The following IMPG2 variants were observed in gnomAD, a reference collection of about 807,000 sequenced individuals.
IMPG2 encodes the protein interphotoreceptor matrix proteoglycan 2.
In IMPG2, 91 loss-of-function variants were observed where a neutral mutation model predicts 129.2. That is an observed-to-expected ratio of 0.70 (90% CI 0.59 to 0.84). The LOEUF is 0.84. Among genes scored for constraint, IMPG2 ranks in the 40% least tolerant of loss-of-function variants. IMPG2 has a pLI of 0.00. For synonymous variants in IMPG2, 510 were observed against 517.7 expected (o/e 0.99, Z 0.20); for missense variants, 1,430 against 1,461.7 (o/e 0.98, Z 0.35).
At chr3:101,233,450 G>C (rs1390123052) in intron 14 of IMPG2, among the ~76,000 whole-genome samples, 3 of 152,146 alleles carry the variant, frequency 2.0e-5, no homozygotes, top group African/African-American at 7.2e-5. Flanking sequence ...TGGGGAGAGA[G>C]AGCTCAGAAG....
intron 10 of IMPG2, 136 bp from the exon 11 acceptor site, chr3:101,253,917 A>C: frequency 1.5e-6 from 1 of 663,360 alleles, no homozygotes; most frequent in Non-Finnish European, 2.7e-6. Flanking sequence ...ACTTACTTAG[A>C]AAATGTTTGT....
At chr3:101,303,825 T>C (rs1221766624) in intron 3 of IMPG2, among the ~76,000 whole-genome samples, 2 of 152,246 alleles carry the variant, frequency 1.3e-5, no homozygotes, top group Non-Finnish European at 2.9e-5. Context: ...CACGGATTTA[T>C]ATTCTTAACC....
At position 101,244,703 on chromosome 3, in the gene IMPG2, T is replaced by C. The variant is rs371656537; in HGVS notation, c.1628A>G (p.Glu543Gly). ...SSSFTQPVPKETIPSMEDSDV... is the reference protein window; with the variant it reads ...SSSFTQPVPKGTIPSMEDSDV... Reference sequence around the variant, plus strand: ...AGAGTCTTCCATGGATGGTATTGTTTCTTTTGGCACAGGTTGAGTGAATGA... The same window carrying C: ...AGAGTCTTCCATGGATGGTATTGTTCCTTTTGGCACAGGTTGAGTGAATGA... Residue 543 changes from glutamate to glycine, a missense_variant, in exon 13 of 19, where the codon GAA becomes GGA. By Grantham distance (98) the Glu-to-Gly change is moderately conservative. Transcript: ENST00000193391. 1.2e-6 allele frequency: 2 copies of C among 1,614,118 alleles called. No individual in the cohort carries two copies.
intron 3 of IMPG2, among the ~76,000 whole-genome samples, chr3:101,298,511 G>T (rs996343013): frequency 2.0e-5 from 3 of 152,088 alleles, no homozygotes; most frequent in African/African-American, 7.2e-5. Context: ...TTTATATTTT[G>T]GTGTGTTTCT....
chr3:101,250,942 C>G (rs572961887), intron 11 of IMPG2, among the ~76,000 whole-genome samples: 1 of 152,178 alleles, frequency 6.6e-6, no homozygotes, highest in African/African-American at 2.4e-5. Context: ...ATACCAAGTT[C>G]TGTTCTTCAA....
intron 10 of IMPG2, among the ~76,000 whole-genome samples, chr3:101,254,706 T>C (rs529674317): frequency 2.0e-5 from 3 of 152,182 alleles, no homozygotes; most frequent in Admixed American, 2.0e-4. Flanking sequence ...CTATGAAAAA[T>C]AAGCTCCACA....
chr3:101,226,690 T>C lies in IMPG2; in HGVS notation c.*279A>G, dbSNP rs569037219. The C allele has an allele frequency of 1.5e-5, 6 of 398,846 alleles. No homozygotes were observed. The highest frequency in any genetic ancestry group is 4.2e-5 in the South Asian group (1 of 23,614). The allele number at this position is 398,846 out of a possible 1,614,324, so 24.7% of individuals were successfully genotyped here. A position where few individuals can be genotyped will look rare whatever the true frequency, so the allele number is the denominator to read the frequency against. On this transcript the variant is annotated 3_prime_UTR_variant, in exon 19 of 19. Transcript: ENST00000193391. ...AGACAGCAACTGCAGCCCTAAATCC[T>C]AGGTCCAGCTTTTTCTTATAGAATA...
At chr3:101,240,036 C>T (rs1706389681) in intron 14 of IMPG2, among the ~76,000 whole-genome samples, 1 of 151,756 alleles carries the variant, frequency 6.6e-6, no homozygotes, top group Non-Finnish European at 1.5e-5. Context: ...TCTGCACGTT[C>T]TACACATGTA....
intron 4 of IMPG2, among the ~76,000 whole-genome samples, chr3:101,277,110 G>T (rs1048646277): frequency 6.6e-6 from 1 of 152,116 alleles, no homozygotes; most frequent in African/African-American, 2.4e-5. Context: ...ATTAAACCAA[G>T]TTAAAAACTC....
intron 11 of IMPG2, among the ~76,000 whole-genome samples, chr3:101,252,926 C>T (rs1037440248): frequency 1.3e-5 from 2 of 152,070 alleles, no homozygotes; most frequent in Admixed American, 1.3e-4. Context: ...AGGGAGTCCC[C>T]CTACTGTTTG....
intron 11 of IMPG2, among the ~76,000 whole-genome samples, chr3:101,249,332 AAAGTTT>A (rs1706519420): frequency 1.3e-5 from 2 of 152,166 alleles, no homozygotes; most frequent in Admixed American, 1.3e-4. Flanking sequence ...AAAATCCATT[AAAGTTT>A]AAGTCATTTC....
intron 3 of IMPG2, among the ~76,000 whole-genome samples, chr3:101,291,801 G>T (rs909813888): frequency 5.3e-5 from 8 of 152,224 alleles, no homozygotes; most frequent in African/African-American, 1.9e-4. Flanking sequence ...ACATATAAAA[G>T]TTACAGACTT....
At chr3:101,280,871 C>T (rs561518322) in intron 4 of IMPG2, among the ~76,000 whole-genome samples, 27 of 152,040 alleles carry the variant, frequency 1.8e-4, no homozygotes, top group African/African-American at 6.5e-4. Flanking sequence ...ATCGCTTGAA[C>T]GTCAGAGGTG....
intron 18 of IMPG2, chr3:101,227,764 T>C (rs1229791754): frequency 2.2e-6 from 1 of 455,488 alleles, no homozygotes; most frequent in Non-Finnish European, 4.4e-6. Context: ...TAGAGTTATC[T>C]CTACCATGCA....
In IMPG2 at chr3:101,226,957, C is replaced by T. The variant is rs1404739895; in HGVS notation, c.*12G>A. On this transcript the variant is annotated 3_prime_UTR_variant, in exon 19 of 19. Coordinates refer to ENST00000193391, the MANE Select transcript of IMPG2 (RefSeq NM_016247.4). ...TCCAGGCTTCTAATCAGTTTCAGAACAGGAGTTTTGGTTAAACCTCTTCCC... is the reference window on the plus strand; with the variant it reads ...TCCAGGCTTCTAATCAGTTTCAGAATAGGAGTTTTGGTTAAACCTCTTCCC... 4 of 1,613,058 alleles carry T rather than the reference C, an allele frequency of 2.5e-6. No individual in the cohort carries two copies. Among genetic ancestry groups the T allele is most frequent in the Middle Eastern group, 1.6e-4 (1 of 6,078 alleles).
chr3:101,318,761 T>G (rs2058796930), intron 2 of IMPG2, among the ~76,000 whole-genome samples: 1 of 152,164 alleles, frequency 6.6e-6, no homozygotes, highest in Admixed American at 6.6e-5. Flanking sequence ...GGCTTTTTAT[T>G]GGTTCTTGAG....
At chr3:101,236,263 T>C (rs1211835161) in intron 14 of IMPG2, among the ~76,000 whole-genome samples, 2 of 152,174 alleles carry the variant, frequency 1.3e-5, no homozygotes, top group East Asian at 3.9e-4. Flanking sequence ...TGAGGGAACA[T>C]AGATGCAGGT....
intron 8 of IMPG2, 35 bp from the exon 9 acceptor site, chr3:101,267,566 T>A (rs1347970154): frequency 6.4e-7 from 1 of 1,560,672 alleles, no homozygotes; most frequent in South Asian, 1.1e-5. Flanking sequence ...AAACAGAGTT[T>A]GAGACAGTTA....
chr3:101,275,507 C>G (rs528871175), intron 6 of IMPG2, among the ~76,000 whole-genome samples, 156 bp downstream of exon 6: 4 of 152,176 alleles, frequency 2.6e-5, no homozygotes, highest in Non-Finnish European at 5.9e-5. Context: ...CAAGGAATCT[C>G]AAAATTGTTT....
Sources: allele counts gnomAD v4.1 joint callset (sites outside exome capture counted in the v4.1 genomes callset), GRCh38; gene constraint gnomAD v4.1.1; transcripts MANE v1.5; gene names NCBI Gene and HGNC (gene_info 2026-07-23, HGNC 2026-07-21).